Variants in SEPTIN9 observed in about 807,000 individuals in gnomAD.
SEPTIN9 encodes septin-9.
Under a neutral mutation model 56.6 loss-of-function variants are expected in SEPTIN9, and 13 were observed. The ratio of observed to expected loss-of-function variants is 0.23; its 90% CI spans 0.15 to 0.37. SEPTIN9 has a LOEUF of 0.37. Ranked by LOEUF, SEPTIN9 falls within the 10% of genes least tolerant of loss-of-function variation. The pLI, the probability that SEPTIN9 is intolerant of heterozygous loss-of-function variation, is 1.00. For missense variants in SEPTIN9, 650 were observed against 823.1 expected (o/e 0.79, Z 2.57); for synonymous variants, 332 against 334.1 (o/e 0.99, Z 0.07).
At chr17:77,396,464 G>A (rs1009399430) in intron 2 of SEPTIN9, among the ~76,000 whole-genome samples, 1 of 152,178 alleles carries the variant, frequency 6.6e-6, no homozygotes, top group Non-Finnish European at 1.5e-5. Flanking sequence ...CCCCTTGGCT[G>A]CGTCTCCCTC....
chr17:77,382,762 G>A (rs1001317286), intron 2 of SEPTIN9, among the ~76,000 whole-genome samples: 7 of 152,214 alleles, frequency 4.6e-5, no homozygotes, highest in Non-Finnish European at 7.3e-5. Flanking sequence ...GGTCGGGTGG[G>A]GGAGGAGATC....
chr17:77,408,446 GC>G (rs113895227), intron 3 of SEPTIN9, among the ~76,000 whole-genome samples: 2 of 152,036 alleles, frequency 1.3e-5, no homozygotes, highest in East Asian at 1.9e-4. Context: ...AGGGGGTCAG[GC>G]CCCCCCGAGC....
intron 2 of SEPTIN9, among the ~76,000 whole-genome samples, chr17:77,383,185 T>TATCC (rs1555655721): frequency 2.1e-4 from 2 of 9,588 alleles, no homozygotes; most frequent in Non-Finnish European, 9.9e-4. Flanking sequence ...TCCCTCCTTC[T>TATCC]CTCCCTCCCT....
In SEPTIN9 at chr17:77,450,926, T is replaced by C. The variant is rs2037940270; in HGVS notation, c.722-31218T>C. The C allele has an allele frequency of 2.0e-6, 1 of 512,584 alleles. No homozygotes were observed. Among genetic ancestry groups the C allele is most frequent in the African/African-American group, 2.1e-5 (1 of 48,006 alleles). 31.8% of individuals were successfully genotyped at this position (512,584 alleles called of 1,614,324 possible). A position where few individuals can be genotyped will look rare whatever the true frequency, so the allele number is the denominator to read the frequency against. ...CTGGCTGCAGGTCTGAATGGCTTTC[T>C]GGGGTGGCTGGCCATGCTCCCTGAG... On this transcript the variant is annotated intron_variant, in intron 3 of 11. Transcript: ENST00000427177. This position sits in a 1 kb window ranked among gnomAD's most constrained non-coding sequence, Gnocchi z 6.0.
At position 77,449,259 on chromosome 17, in the gene SEPTIN9, G is replaced by A. The variant is rs1450898538; in HGVS notation, c.722-32885G>A. ...GAACTTTGAGAAGTGCTGAAGGACA[G>A]AGGCTTTGTGTGGGGGATGCAGCCC... On this transcript the variant is annotated intron_variant, in intron 3 of 11. Transcript: ENST00000427177. The surrounding 1 kb of genome is among the most constrained non-coding windows in gnomAD (Gnocchi z 4.6). 1.3e-5 allele frequency among the ~76,000 whole-genome samples: 2 copies of A among 152,188 alleles called. No individual in the cohort carries two copies. Among genetic ancestry groups the A allele is most frequent in the African/African-American group, 4.8e-5 (2 of 41,444 alleles).
At chr17:77,412,220 C>A (rs1056200107) in intron 3 of SEPTIN9, among the ~76,000 whole-genome samples, 1 of 151,964 alleles carries the variant, frequency 6.6e-6, no homozygotes, top group African/African-American at 2.4e-5. Flanking sequence ...CTCCCCTCGT[C>A]GACCTGCTCA....
At chr17:77,308,971 G>T (rs1002187931) in intron 2 of SEPTIN9, among the ~76,000 whole-genome samples, 1 of 152,252 alleles carries the variant, frequency 6.6e-6, no homozygotes, top group Non-Finnish European at 1.5e-5. Context: ...CAGCGCTGTG[G>T]TTAAGAGGGG....
At chr17:77,325,621 G>A (rs928546588) in intron 2 of SEPTIN9, among the ~76,000 whole-genome samples, 1 of 152,190 alleles carries the variant, frequency 6.6e-6, no homozygotes, top group Non-Finnish European at 1.5e-5. Context: ...GTGGCTGCCC[G>A]GCCTGCGTGT....
intron 7 of SEPTIN9, among the ~76,000 whole-genome samples, chr17:77,489,198 A>G (rs764007593): frequency 1.4e-4 from 22 of 152,040 alleles, no homozygotes; most frequent in Non-Finnish European, 2.6e-4. Context: ...CCCCCAGCCA[A>G]GCACCCGTAG....
At chr17:77,281,707 C>A in intron 1 of SEPTIN9, 153 bp downstream of exon 1, 1 of 692,158 alleles carries the variant, frequency 1.4e-6, no homozygotes, top group Non-Finnish European at 2.3e-6. Context: ...CAGGACAGGG[C>A]CGCTGTCGGG....
chr17:77,333,743 A>T (rs935528363), intron 2 of SEPTIN9, among the ~76,000 whole-genome samples: 3 of 152,068 alleles, frequency 2.0e-5, no homozygotes, highest in Admixed American at 6.6e-5. Flanking sequence ...ATATGGTGTG[A>T]GGTAGAGGGT....
chr17:77,428,001 C>G (rs1032043911), intron 3 of SEPTIN9, among the ~76,000 whole-genome samples: 24 of 152,218 alleles, frequency 1.6e-4, no homozygotes, highest in African/African-American at 5.5e-4. Context: ...TCATCAGTGC[C>G]ATCCTTGCAC....
intron 1 of SEPTIN9, among the ~76,000 whole-genome samples, chr17:77,301,439 T>TGTGTG (rs1328948653): frequency 7.3e-6 from 1 of 137,628 alleles, no homozygotes. Context: ...TGTGTGTGTG[T>TGTGTG]TTTGAGAAAG....
chr17:77,481,608 G>A (rs111629091), intron 3 of SEPTIN9, among the ~76,000 whole-genome samples: 3 of 151,118 alleles, frequency 2.0e-5, no homozygotes, highest in East Asian at 1.9e-4. Flanking sequence ...TTCTATCCCC[G>A]TTTCTTACAA....
intron 2 of SEPTIN9, among the ~76,000 whole-genome samples, chr17:77,364,757 C>T (rs575530255): frequency 6.6e-6 from 1 of 152,348 alleles, no homozygotes; most frequent in Admixed American, 6.5e-5. Context: ...CTGGATTTGC[C>T]CTCTGGAGAA....
chr17:77,337,275 CT>C (rs1025745481), intron 2 of SEPTIN9, among the ~76,000 whole-genome samples: 7 of 152,078 alleles, frequency 4.6e-5, no homozygotes, highest in Admixed American at 4.6e-4. Flanking sequence ...TCCCAAAGTG[CT>C]GAGATTACAG....
intron 3 of SEPTIN9, among the ~76,000 whole-genome samples, chr17:77,455,528 T>G (rs2038160389): frequency 6.6e-6 from 1 of 152,224 alleles, no homozygotes; most frequent in Non-Finnish European, 1.5e-5. Context: ...CCCAGATCCT[T>G]GTCTTTTATC....
At chr17:77,407,597 G>C (rs1473879348) in intron 3 of SEPTIN9, among the ~76,000 whole-genome samples, 1 of 152,122 alleles carries the variant, frequency 6.6e-6, no homozygotes, top group Non-Finnish European at 1.5e-5. Context: ...GAGGGAGTGT[G>C]GGCACCTAGA....
intron 2 of SEPTIN9, among the ~76,000 whole-genome samples, chr17:77,393,323 G>A (rs1415489009): frequency 6.6e-6 from 1 of 152,156 alleles, no homozygotes; most frequent in Non-Finnish European, 1.5e-5. Flanking sequence ...TCTTGGCCAA[G>A]GACTGCACTG....
Sources: gnomAD v4.1 joint callset for allele counts (sites outside exome capture counted in the v4.1 genomes callset) on GRCh38, gnomAD v4.1.1 for gene constraint, Gnocchi (gnomAD v3.1) non-coding constraint, MANE v1.5 for transcripts, NCBI Gene and HGNC (gene_info 2026-07-23, HGNC 2026-07-21) for gene names.